The following ASTN2 variants were observed in gnomAD, a reference collection of about 807,000 sequenced individuals.
The protein encoded by ASTN2 is astrotactin 2.
In ASTN2, 54 loss-of-function variants were observed where a neutral mutation model predicts 139.8. The observed-to-expected ratio is 0.39, with a 90% CI of 0.31 to 0.48. ASTN2 has a LOEUF of 0.48. ASTN2 is among the 20% of genes least tolerant of loss of function. ASTN2 has a pLI of 0.95. For missense variants in ASTN2, 1,565 were observed against 1,725.1 expected, an observed-to-expected ratio of 0.91 and a Z score of 1.64; for synonymous variants, 756 against 719.5, an observed-to-expected ratio of 1.05 and a Z score of -0.81.
intron 17 of ASTN2, among the ~76,000 whole-genome samples, chr9:116,640,830 C>T (rs1193551724): frequency 6.6e-6 from 1 of 152,100 alleles, no homozygotes; most frequent in Non-Finnish European, 1.5e-5. Context: ...TTAAAAGAGG[C>T]AGGGGTTGTT....
chr9:117,351,318 G>A (rs998706014), intron 1 of ASTN2, among the ~76,000 whole-genome samples: 2 of 152,136 alleles, frequency 1.3e-5, no homozygotes, highest in African/African-American at 2.4e-5. Context: ...TAACTTTCGA[G>A]AAACTTTTTG....
chr9:116,992,778 C>T (rs1356447287), intron 7 of ASTN2, among the ~76,000 whole-genome samples: 1 of 152,172 alleles, frequency 6.6e-6, no homozygotes, highest in Non-Finnish European at 1.5e-5. Context: ...AATCAGTTCA[C>T]CAGAACCTCC....
chr9:117,213,243 A>G (rs185530368), intron 3 of ASTN2, among the ~76,000 whole-genome samples: 207 of 152,300 alleles, frequency 1.4e-3, no homozygotes, highest in African/African-American at 4.9e-3. Context: ...TTGACCTCAT[A>G]GAAGTAAAAG....
intron 5 of ASTN2, among the ~76,000 whole-genome samples, chr9:117,072,361 G>C (rs185961189): frequency 2.0e-5 from 3 of 152,306 alleles, no homozygotes; most frequent in Admixed American, 2.0e-4. Flanking sequence ...TCGTAATGCT[G>C]AGAGTATGAA....
chr9:116,787,742 C>G (rs1180286189), intron 13 of ASTN2, among the ~76,000 whole-genome samples: 2 of 152,124 alleles, frequency 1.3e-5, no homozygotes, highest in Non-Finnish European at 2.9e-5. Context: ...TTAACATCAT[C>G]CAGTGTCATT....
chr9:117,370,733 GT>G (rs1829968756), intron 1 of ASTN2, among the ~76,000 whole-genome samples: 1 of 151,958 alleles, frequency 6.6e-6, no homozygotes, highest in Non-Finnish European at 1.5e-5. Context: ...TAGAGACAGA[GT>G]CTTGCTCTGT....
chr9:116,935,792 A>G (rs1414014076), intron 10 of ASTN2, among the ~76,000 whole-genome samples: 1 of 152,186 alleles, frequency 6.6e-6, no homozygotes, highest in East Asian at 1.9e-4. Flanking sequence ...AGCATTAACT[A>G]GTTCATGTAT....
chr9:116,682,928 A>G (rs1049945168), intron 16 of ASTN2, among the ~76,000 whole-genome samples: 1 of 152,114 alleles, frequency 6.6e-6, no homozygotes, highest in African/African-American at 2.4e-5. Context: ...CTAATGCTAA[A>G]TGACGAGTTA....
intron 20 of ASTN2, among the ~76,000 whole-genome samples, chr9:116,479,409 G>C (rs1288535485): frequency 1.3e-5 from 2 of 152,204 alleles, no homozygotes; most frequent in African/African-American, 4.8e-5. Flanking sequence ...CCCAGGCTGT[G>C]CCCAGGAGAG....
rs115170643 is a variant in ASTN2, at chr9:116,432,387, A to G, written c.3783-6299T>C. The stretch of plus-strand genomic sequence containing the variant: ...GGGATGTAATGTGGTTTTACAGGAC[A>G]CCAGTTGAATATCAGAAGACAATAT... On this transcript the variant is annotated intron_variant, in intron 22 of 22. Transcript: ENST00000313400. Among the ~76,000 whole-genome samples, 632 of 152,306 alleles carry G rather than the reference A, an allele frequency of 4.1e-3. 4 individuals are homozygous for G. Among genetic ancestry groups the G allele is most frequent in the African/African-American group, 0.014 (601 of 41,566 alleles).
chr9:117,210,981 C>CAAAA (rs57888812), intron 3 of ASTN2, among the ~76,000 whole-genome samples: 2 of 137,018 alleles, frequency 1.5e-5, no homozygotes, highest in Middle Eastern at 3.8e-3. Context: ...CATCTCAAAG[C>CAAAA]AAAAAAAAAA....
chr9:117,120,050 A>ATATATATT (rs1829516211), intron 4 of ASTN2, among the ~76,000 whole-genome samples: 1 of 125,508 alleles, frequency 8.0e-6, no homozygotes. Context: ...ATATATATAT[A>ATATATATT]CCCTGAGTAT....
chr9:116,552,111 A>AGCTCACAGAGACCAAAGTTG (rs1387429084), intron 19 of ASTN2: 1 of 152,206 alleles, frequency 6.6e-6, no homozygotes, highest in African/African-American at 2.4e-5. Context: ...TTCTTCTAGT[A>AGCTCACAGAGACCAAAGTTG]GCTCACAGAG....
chr9:116,755,262 C>A (rs569566504), intron 13 of ASTN2, among the ~76,000 whole-genome samples: 1 of 152,240 alleles, frequency 6.6e-6, no homozygotes, highest in African/African-American at 2.4e-5. Context: ...TACCCCCTCC[C>A]CTGCAAAAAG....
chr9:116,593,753 A>G (rs1854462429), intron 19 of ASTN2, among the ~76,000 whole-genome samples: 1 of 152,164 alleles, frequency 6.6e-6, no homozygotes, highest in Non-Finnish European at 1.5e-5. Context: ...CTCATTCTAT[A>G]CTTCTCCAGA....
At chr9:116,734,887 A>G (rs1828884935) in intron 13 of ASTN2, among the ~76,000 whole-genome samples, 1 of 152,188 alleles carries the variant, frequency 6.6e-6, no homozygotes, top group Non-Finnish European at 1.5e-5. Flanking sequence ...ATGTGACATT[A>G]TCACCATCTT....
chr9:117,021,056 T>G (rs968316654), intron 6 of ASTN2, among the ~76,000 whole-genome samples: 4 of 152,056 alleles, frequency 2.6e-5, no homozygotes, highest in African/African-American at 4.8e-5. Flanking sequence ...TACAGGTACA[T>G]GCAACAATGC....
chr9:116,825,884 C>T (rs1831609772), intron 11 of ASTN2, among the ~76,000 whole-genome samples: 1 of 152,182 alleles, frequency 6.6e-6, no homozygotes, highest in East Asian at 1.9e-4. Context: ...TTTTGAGAGC[C>T]AAAATACTGG....
chr9:116,902,507 C>A (rs955061380), intron 10 of ASTN2, among the ~76,000 whole-genome samples: 1 of 152,022 alleles, frequency 6.6e-6, no homozygotes, highest in Non-Finnish European at 1.5e-5. Context: ...CATTGTGTTA[C>A]AATTGCCTAC....
Sources: gnomAD v4.1 joint callset for allele counts (sites outside exome capture counted in the v4.1 genomes callset) on GRCh38, gnomAD v4.1.1 for gene constraint, MANE v1.5 for transcripts, NCBI Gene and HGNC (gene_info 2026-07-23, HGNC 2026-07-21) for gene names.